ZC3H12B: variants seen among roughly 807,000 people sequenced by gnomAD.
ZC3H12B encodes zinc finger CCCH-type containing 12B, also known as probable ribonuclease ZC3H12B.
In ZC3H12B, 7 loss-of-function variants were observed where a neutral mutation model predicts 43.9. The ratio of observed to expected loss-of-function variants is 0.16; its 90% CI spans 0.09 to 0.30. The LOEUF is 0.30. Ranked by LOEUF, ZC3H12B falls within the 10% of genes least tolerant of loss-of-function variation. The pLI is 1.00. For missense variants in ZC3H12B, 475 were observed against 670.2 expected, an observed-to-expected ratio of 0.71 and a Z score of 3.22; for synonymous variants, 222 against 241.7, an observed-to-expected ratio of 0.92 and a Z score of 0.76.
the ZC3H12B span, among the ~76,000 whole-genome samples, chrX:65,221,978 G>A: frequency 9.0e-6 from 1 of 111,166 alleles, no homozygotes; most frequent in Admixed American, 9.6e-5. Context: ...AAAGCTACTA[G>A]CATACCAAAA....
At chrX:65,073,492 G>T in the ZC3H12B span, among the ~76,000 whole-genome samples, 1 of 112,369 alleles carries the variant, frequency 8.9e-6, no homozygotes, top group East Asian at 2.8e-4. Context: ...AGACCAAGGG[G>T]TGTTCAGATT....
At chrX:65,189,938 G>A in the ZC3H12B span, among the ~76,000 whole-genome samples, 4 of 108,441 alleles carry the variant, frequency 3.7e-5, no homozygotes, top group Admixed American at 9.7e-5. Context: ...TAGGTCTAAC[G>A]TTTAAATCTT....
the ZC3H12B span, chrX:65,356,987 C>T: frequency 1.4e-5 from 7 of 495,458 alleles, no homozygotes; most frequent in South Asian, 5.1e-5. Flanking sequence ...ATATTCCTCT[C>T]ATGGTGTATA....
At chrX:65,294,305 G>A in the ZC3H12B span, among the ~76,000 whole-genome samples, 7 of 111,628 alleles carry the variant, frequency 6.3e-5, no homozygotes, top group South Asian at 2.2e-3. Flanking sequence ...AACAAATGCT[G>A]AAAGAATTCA....
chrX:65,140,321 G>T, the ZC3H12B span, among the ~76,000 whole-genome samples: 1 of 111,185 alleles, frequency 9.0e-6, no homozygotes, highest in African/African-American at 3.3e-5. Flanking sequence ...GTTGAATTTT[G>T]TTGAATGCCT....
At chrX:65,245,287 T>C in the ZC3H12B span, among the ~76,000 whole-genome samples, 1 of 111,767 alleles carries the variant, frequency 8.9e-6, no homozygotes, top group Non-Finnish European at 1.9e-5. Flanking sequence ...GGACCATTCC[T>C]ACTGAAACTA....
At chrX:65,266,376 C>T in the ZC3H12B span, among the ~76,000 whole-genome samples, 1 of 111,467 alleles carries the variant, frequency 9.0e-6, no homozygotes, top group Non-Finnish European at 1.9e-5. Context: ...CCAGATCTGC[C>T]CTGGCAAAGC....
At chrX:65,127,967 A>G in the ZC3H12B span, among the ~76,000 whole-genome samples, 1 of 111,885 alleles carries the variant, frequency 8.9e-6, no homozygotes, top group African/African-American at 3.2e-5. Context: ...TCGTTGAAAA[A>G]GCAAGCAGAC....
At chrX:65,087,951 G>T in the ZC3H12B span, among the ~76,000 whole-genome samples, 7 of 112,074 alleles carry the variant, frequency 6.2e-5, no homozygotes, top group Non-Finnish European at 1.3e-4. Flanking sequence ...ATATCAGAGT[G>T]CATTGGGACA....
At chrX:65,200,113 A>G in the ZC3H12B span, among the ~76,000 whole-genome samples, 2 of 111,461 alleles carry the variant, frequency 1.8e-5, no homozygotes, top group Non-Finnish European at 3.8e-5. Context: ...CCTCTCTGGT[A>G]TCTGTTATTT....
At chrX:65,386,953 A>G (rs1017123505) in intron 2 of ZC3H12B, among the ~76,000 whole-genome samples, 3 of 111,343 alleles carry the variant, frequency 2.7e-5, no homozygotes, top group East Asian at 2.8e-4. Flanking sequence ...TAGTTGAGCG[A>G]TTTTGAGTGA....
chrX:65,154,264 A>T, the ZC3H12B span, among the ~76,000 whole-genome samples: 3 of 111,418 alleles, frequency 2.7e-5, no homozygotes, highest in Non-Finnish European at 5.7e-5. Context: ...ATTAAAAAAA[A>T]TTTTCTCATG....
the ZC3H12B span, among the ~76,000 whole-genome samples, chrX:65,257,640 A>C: frequency 9.0e-6 from 1 of 111,199 alleles, no homozygotes; most frequent in East Asian, 2.8e-4. Context: ...ATAGACTGCC[A>C]GATAGACTAA....
the ZC3H12B span, among the ~76,000 whole-genome samples, chrX:65,144,216 G>C: frequency 9.0e-6 from 1 of 111,114 alleles, no homozygotes; most frequent in East Asian, 2.9e-4. Context: ...ATTCTTCCTG[G>C]TTTAAGCTAG....
chrX:65,234,562 G>C, the ZC3H12B span, among the ~76,000 whole-genome samples: 1 of 111,975 alleles, frequency 8.9e-6, no homozygotes, highest in Admixed American at 9.5e-5. Flanking sequence ...AAAGCAGGAC[G>C]TCAAATTATT....
At chrX:65,084,765 C>T in the ZC3H12B span, among the ~76,000 whole-genome samples, 5 of 112,399 alleles carry the variant, frequency 4.4e-5, no homozygotes, top group Non-Finnish European at 9.4e-5. Context: ...GGGTATATAC[C>T]CAAATAATGG....
intron 3 of ZC3H12B, among the ~76,000 whole-genome samples, chrX:65,463,202 C>T (rs778165226): frequency 3.6e-5 from 4 of 111,842 alleles, no homozygotes; most frequent in East Asian, 5.6e-4. Flanking sequence ...ATTAAACATA[C>T]CCCAAACCTC....
chrX:65,231,149 A>G, the ZC3H12B span, among the ~76,000 whole-genome samples: 1 of 111,099 alleles, frequency 9.0e-6, no homozygotes, highest in South Asian at 3.8e-4. Flanking sequence ...TAGGACCATG[A>G]TGACAACCCC....
the ZC3H12B span, among the ~76,000 whole-genome samples, chrX:65,212,657 T>C: frequency 1.4e-4 from 12 of 85,714 alleles, no homozygotes; most frequent in East Asian, 1.1e-3. Flanking sequence ...TATCATATAT[T>C]ATATATAAAT....
Sources: allele counts gnomAD v4.1 joint callset (sites outside exome capture counted in the v4.1 genomes callset), GRCh38; gene constraint gnomAD v4.1.1; transcripts MANE v1.5; gene names NCBI Gene and HGNC (gene_info 2026-07-23, HGNC 2026-07-21).